Variants in EVC2 observed in about 807,000 individuals in gnomAD.
The protein encoded by EVC2 is limbin.
EVC2 carries 148 observed loss-of-function variants against 149.3 expected under a neutral mutation model. The ratio of observed to expected loss-of-function variants is 0.99; its 90% CI spans 0.87 to 1.14. The LOEUF (loss-of-function observed/expected upper bound fraction) is 1.14. Ranked by LOEUF, EVC2 falls within the 50% of genes most tolerant of loss-of-function variation. The probability of loss-of-function intolerance (pLI) is 0.00; values close to 1 mark genes in which losing one functional copy is unlikely to be tolerated. For synonymous variants in EVC2, 776 were observed against 649.9 expected (o/e 1.19, Z -2.95); for missense variants, 1,854 against 1,627.3 (o/e 1.14, Z -2.40).
At chr4:5,555,066 G>GACA (rs1721810664) in intron 21 of EVC2, among the ~76,000 whole-genome samples, 1 of 57,582 alleles carries the variant, frequency 1.7e-5, no homozygotes, top group East Asian at 9.8e-3. Flanking sequence ...ATGTGTGTAA[G>GACA]GAGAGTTGGG....
intron 9 of EVC2, among the ~76,000 whole-genome samples, chr4:5,641,462 C>T (rs1717323531): frequency 6.6e-6 from 1 of 151,982 alleles, no homozygotes; most frequent in Admixed American, 6.6e-5. Flanking sequence ...TTTGTAAATC[C>T]GAAACTGCTC....
intron 17 of EVC2, 39 bp downstream of exon 17, chr4:5,584,584 C>G (rs372370911): frequency 6.3e-7 from 1 of 1,592,596 alleles, no homozygotes. Flanking sequence ...CAGAAAGACC[C>G]AGCTCTGTCC....
chr4:5,571,758 TGTTCA>T (rs891161080), intron 19 of EVC2, among the ~76,000 whole-genome samples: 4 of 152,222 alleles, frequency 2.6e-5, no homozygotes, highest in African/African-American at 7.2e-5. Flanking sequence ...TGTGCCCAGA[TGTTCA>T]GTTGAGCATT....
At chr4:5,616,868 C>G (rs1307296015) in intron 15 of EVC2, among the ~76,000 whole-genome samples, 1 of 152,172 alleles carries the variant, frequency 6.6e-6, no homozygotes, top group African/African-American at 2.4e-5. Context: ...ATCTGAAAAC[C>G]AAGCACCTTG....
At chr4:5,605,553 T>C (rs943196062) in intron 16 of EVC2, among the ~76,000 whole-genome samples, 15 of 152,216 alleles carry the variant, frequency 9.9e-5, no homozygotes, top group Non-Finnish European at 2.9e-5. Context: ...TTTCCAATCA[T>C]TGGTAAGTAA....
intron 21 of EVC2, among the ~76,000 whole-genome samples, chr4:5,547,608 GGAT>G (rs1269401558): frequency 6.6e-6 from 1 of 152,170 alleles, no homozygotes; most frequent in Admixed American, 6.5e-5. Context: ...GCAGACATCA[GGAT>G]GACCAGCTGC....
At chr4:5,577,170 T>G (rs1034606456) in intron 17 of EVC2, among the ~76,000 whole-genome samples, 6 of 152,160 alleles carry the variant, frequency 3.9e-5, no homozygotes, top group African/African-American at 1.2e-4. Flanking sequence ...GCAGACAGAG[T>G]TAAATTAATT....
chr4:5,568,674 G>GC, intron 19 of EVC2, 34 bp from the exon 20 acceptor site: 1 of 1,583,270 alleles, frequency 6.3e-7, no homozygotes, highest in Non-Finnish European at 8.6e-7. Context: ...TCAGACCCTC[G>GC]CCGCCTCTCA....
intron 8 of EVC2, 95 bp downstream of exon 8, chr4:5,665,420 G>T: frequency 6.3e-7 from 1 of 1,590,448 alleles, no homozygotes; most frequent in Non-Finnish European, 8.6e-7. Context: ...CCTCAGCAAT[G>T]CTGATGGGGA....
chr4:5,587,953 CTTCT>C (rs1042783092), intron 16 of EVC2, among the ~76,000 whole-genome samples: 1 of 151,458 alleles, frequency 6.6e-6, no homozygotes, highest in Admixed American at 6.6e-5. Flanking sequence ...GTTTTTACTT[CTTCT>C]TTCTTTGGAG....
rs1715063243 is a variant in EVC2 at position 5,614,225 on chromosome 4, TA to T, written c.2829+1196del. ...CCCTGCTGCCAGCCTACTTCACCTGTAAGGTCACATTATCTAATTTCTTTCC... is the reference window on the plus strand; with the variant it reads ...CCCTGCTGCCAGCCTACTTCACCTGTAGGTCACATTATCTAATTTCTTTCC... On this transcript the variant is annotated intron_variant, in intron 16 of 21. Transcript: ENST00000344408. The surrounding 1 kb of genome is among the most constrained non-coding windows in gnomAD (Gnocchi z 4.7). Among the ~76,000 whole-genome samples the T allele has an allele frequency of 6.6e-6, 1 of 152,130 alleles. No individual in the cohort carries two copies. Among genetic ancestry groups the T allele is most frequent in the African/African-American group, 2.4e-5 (1 of 41,428 alleles).
chr4:5,640,783 G>C lies in EVC2; in HGVS notation c.1201C>G (p.Gln401Glu), dbSNP rs1252048610. ...AGGGCAATGATATCCTTGCTGATTT[G>C]TGTTCGACAAGCCTCCAGATCTGCA... ...ADADLEACRT[Q>E]ISKDIIALLL... Residue 401 changes from glutamine (Q) to glutamate (E), a missense_variant, in exon 10 of 22, where the codon CAA becomes GAA. Physicochemically the swap from Gln to Glu is conservative, Grantham distance 29 (BLOSUM62 2). Coordinates refer to ENST00000344408, the MANE Select transcript of EVC2 (RefSeq NM_147127.5). This position sits in a 1 kb window ranked among gnomAD's most constrained non-coding sequence, Gnocchi z 4.6. The C allele has an allele frequency of 6.2e-7, 1 of 1,614,182 alleles. No individual in the cohort carries two copies. Among genetic ancestry groups the C allele is most frequent in the South Asian group, 1.1e-5 (1 of 91,078 alleles).
chr4:5,542,840 G>C (rs1360241437), exon 23 of EVC2: 6 of 281,506 alleles, frequency 2.1e-5, no homozygotes, highest in Admixed American at 4.7e-5. Context: ...TGTCAGCGCA[G>C]TGTGCCCACA....
rs1195188491 is a variant in EVC2 at position 5,567,916 on chromosome 4, A to G, written c.3557+528T>C. Among the ~76,000 whole-genome samples, 1 of 152,228 alleles carries G rather than the reference A, an allele frequency of 6.6e-6. No individual in the cohort carries two copies. Among genetic ancestry groups the G allele is most frequent in the Non-Finnish European group, 1.5e-5 (1 of 68,052 alleles). ...AATGGGATAAGAATTACATAGGGGGATGTTTGCATGAGCGTTAAAAGGTAA... is the reference window on the plus strand; with the variant it reads ...AATGGGATAAGAATTACATAGGGGGGTGTTTGCATGAGCGTTAAAAGGTAA... On this transcript the variant is annotated intron_variant, in intron 20 of 21. Transcript: ENST00000344408. This position sits in a 1 kb window ranked among gnomAD's most constrained non-coding sequence, Gnocchi z 4.4.
chr4:5,543,102 ATGTT>A lies in EVC2; in HGVS notation c.*25_*28del, dbSNP rs1286374426. ...CTGCTCAGTCCGAGGTAACTCATCT[ATGTT>A]TGGGACAAACTTGCAGGTAAGTTCT... is the stretch of plus-strand genomic sequence containing the variant. On this transcript the variant is annotated 3_prime_UTR_variant and NMD_transcript_variant, in exon 22 of 23. Transcript: ENST00000475313. 4 of 1,283,116 alleles carry A rather than the reference ATGTT, an allele frequency of 3.1e-6. No individual in the cohort carries two copies. The South Asian group carries it at 4.9e-5, about 16-fold the overall frequency. 79.5% of individuals were successfully genotyped at this position (1,283,116 alleles called of 1,614,324 possible).
At chr4:5,546,007 C>A (rs1050102491) in intron 21 of EVC2, among the ~76,000 whole-genome samples, 7 of 152,232 alleles carry the variant, frequency 4.6e-5, no homozygotes, top group Admixed American at 4.6e-4. Context: ...ATCAAAACCA[C>A]AATGAGATAC....
chr4:5,598,891 C>G (rs1315802736), intron 16 of EVC2, among the ~76,000 whole-genome samples: 3 of 152,066 alleles, frequency 2.0e-5, no homozygotes, highest in African/African-American at 7.2e-5. Flanking sequence ...ACAAACAACC[C>G]CATCAAAAAG....
chr4:5,551,824 A>G (rs1306494993), intron 21 of EVC2, among the ~76,000 whole-genome samples: 1 of 152,110 alleles, frequency 6.6e-6, no homozygotes, highest in Non-Finnish European at 1.5e-5. Context: ...GTGATAGTGA[A>G]TAAGTCTCAC....
In EVC2 at chr4:5,625,059, T is replaced by G. The variant is rs187120700; in HGVS notation, c.2046+690A>C. ...GGTTCCTCAACTCCATCTGACATGG[T>G]GCTCACCTCAGCTTCCTAAATCACA... On this transcript the variant is annotated intron_variant, in intron 13 of 21. Transcript: ENST00000344408. This position sits in a 1 kb window ranked among gnomAD's most constrained non-coding sequence, Gnocchi z 4.0. 3.6e-4 allele frequency among the ~76,000 whole-genome samples: 55 copies of G among 152,142 alleles called. No homozygotes were observed. The East Asian group carries it at 8.1e-3, about 23-fold the overall frequency.
Sources: allele counts gnomAD v4.1 joint callset (sites outside exome capture counted in the v4.1 genomes callset), GRCh38; gene constraint gnomAD v4.1.1; non-coding constraint Gnocchi (gnomAD v3.1); transcripts MANE v1.5; gene names NCBI Gene and HGNC (gene_info 2026-07-23, HGNC 2026-07-21).